CFAP299: variants seen among roughly 807,000 people sequenced by gnomAD.
The protein encoded by CFAP299 is cilia and flagella associated protein 299.
Under a neutral mutation model 27.0 loss-of-function variants are expected in CFAP299, and 21 were observed. That is an observed-to-expected ratio of 0.78 (90% CI 0.55 to 1.12). CFAP299 has a LOEUF of 1.12. Among genes scored for constraint, CFAP299 ranks in the 50% most tolerant of loss-of-function variants. The probability of loss-of-function intolerance (pLI) is 0.00; values close to 1 mark genes in which losing one functional copy is unlikely to be tolerated. For synonymous variants in CFAP299, 104 were observed against 98.1 expected, an observed-to-expected ratio of 1.06 and a Z score of -0.36; for missense variants, 310 against 276.6, an observed-to-expected ratio of 1.12 and a Z score of -0.86.
rs142050300 is a variant in CFAP299 at position 80,488,884 on chromosome 4, G to A, written c.243-94209G>A. ...GAGTTGGATGGCAAAAAAAACGTTT[G>A]TGTCTCCCAGCAGTATTCAGAGTGG... On this transcript the variant is annotated intron_variant, in intron 2 of 5. Transcript: ENST00000358105. Among the ~76,000 whole-genome samples the A allele has an allele frequency of 3.0e-3, 454 of 152,272 alleles. 3 individuals are homozygous for A. The highest frequency in any genetic ancestry group is 9.2e-3 in the African/African-American group (383 of 41,554).
chr4:80,886,595 T>C (rs1733984121), intron 4 of CFAP299, among the ~76,000 whole-genome samples: 1 of 152,152 alleles, frequency 6.6e-6, no homozygotes, highest in Admixed American at 6.5e-5. Context: ...TTGGAAAGCC[T>C]TCCCAAAGAG....
At chr4:80,792,611 G>C (rs1727636095) in intron 3 of CFAP299, among the ~76,000 whole-genome samples, 1 of 151,952 alleles carries the variant, frequency 6.6e-6, no homozygotes, top group Admixed American at 6.6e-5. Context: ...ATATTAATAA[G>C]GCAAATAGTC....
intron 3 of CFAP299, among the ~76,000 whole-genome samples, chr4:80,717,295 A>G (rs753817262): frequency 6.6e-6 from 1 of 152,122 alleles, no homozygotes; most frequent in Non-Finnish European, 1.5e-5. Flanking sequence ...AGCATGTGTA[A>G]GCAGAAAACT....
At chr4:80,933,031 A>T (rs1578248747) in intron 4 of CFAP299, among the ~76,000 whole-genome samples, 4 of 152,316 alleles carry the variant, frequency 2.6e-5, no homozygotes, top group Admixed American at 2.6e-4. Flanking sequence ...TAAGGTATAC[A>T]ACTGTGAAAT....
chr4:80,949,266 A>G lies in CFAP299; in HGVS notation c.606+4327A>G, dbSNP rs548500844. ...CAATCTTTGCCCTTTAAGTGCTCTT[A>G]GTGTTTTTAGGGAAATAAGTCAAAA... On this transcript the variant is annotated intron_variant, in intron 5 of 5. Transcript: ENST00000358105. Among the ~76,000 whole-genome samples, 3 of 152,306 alleles carry G rather than the reference A, an allele frequency of 2.0e-5. No homozygotes were observed. The South Asian group carries it at 6.2e-4, about 32-fold the overall frequency.
chr4:80,448,969 C>A (rs1358574875), intron 2 of CFAP299, among the ~76,000 whole-genome samples: 4 of 152,088 alleles, frequency 2.6e-5, no homozygotes, highest in African/African-American at 9.7e-5. Context: ...TGGGCAGAAC[C>A]TAATTAAAAG....
intron 2 of CFAP299, among the ~76,000 whole-genome samples, chr4:80,445,241 G>A (rs567647875): frequency 1.6e-4 from 25 of 152,250 alleles, no homozygotes; most frequent in Admixed American, 7.2e-4. Flanking sequence ...TTATTGCAGC[G>A]CTGTTTACAA....
At chr4:80,842,524 G>A (rs1363742966) in intron 3 of CFAP299, among the ~76,000 whole-genome samples, 1 of 152,122 alleles carries the variant, frequency 6.6e-6, no homozygotes, top group Non-Finnish European at 1.5e-5. Context: ...TTCTTAGTAT[G>A]TTTTATTGTG....
At chr4:80,938,661 C>T (rs148530641) in intron 4 of CFAP299, among the ~76,000 whole-genome samples, 2,079 of 152,272 alleles carry the variant, frequency 0.014, 19 homozygotes, top group South Asian at 0.03. Flanking sequence ...ATTCCTCTAG[C>T]GCTGCTAGGT....
At chr4:80,348,491 C>T (rs1722856025) in intron 1 of CFAP299, among the ~76,000 whole-genome samples, 1 of 152,186 alleles carries the variant, frequency 6.6e-6, no homozygotes, top group African/African-American at 2.4e-5. Context: ...ACAAACACTT[C>T]TCAATAGTAG....
At chr4:80,564,653 T>C (rs1475358283) in intron 2 of CFAP299, among the ~76,000 whole-genome samples, 1 of 151,992 alleles carries the variant, frequency 6.6e-6, no homozygotes, top group African/African-American at 2.4e-5. Flanking sequence ...TTGAACGTAG[T>C]ACTGGAAGTC....
At chr4:80,649,185 G>A (rs1740172163) in intron 3 of CFAP299, 1 of 152,232 alleles carries the variant, frequency 6.6e-6, no homozygotes, top group Non-Finnish European at 1.5e-5. Flanking sequence ...GTCAGGAGGA[G>A]AAGGGAGCTA....
chr4:80,353,793 ATATAC>A (rs1388407311), intron 1 of CFAP299, among the ~76,000 whole-genome samples: 2 of 152,246 alleles, frequency 1.3e-5, no homozygotes, highest in Admixed American at 1.3e-4. Flanking sequence ...ATCACCTCTA[ATATAC>A]TTAAGAATTG....
chr4:80,391,027 A>G (rs1210761659), intron 2 of CFAP299, among the ~76,000 whole-genome samples: 1 of 135,108 alleles, frequency 7.4e-6, no homozygotes, highest in Non-Finnish European at 1.6e-5. Context: ...ATATATGTAT[A>G]TATGTATACA....
intron 3 of CFAP299, among the ~76,000 whole-genome samples, chr4:80,623,501 C>G (rs949115606): frequency 4.6e-5 from 7 of 152,180 alleles, no homozygotes; most frequent in Non-Finnish European, 7.3e-5. Flanking sequence ...ATTTTGACAA[C>G]TATCCATACA....
Position 80,829,299 on chromosome 4 carries a change from G to A in CFAP299, c.334-40694G>A, listed in dbSNP as rs115588132. Among the ~76,000 whole-genome samples, 760 of 151,954 alleles carry A rather than the reference G, an allele frequency of 5.0e-3. 14 individuals carry two copies. The highest frequency in any genetic ancestry group is 0.018 in the African/African-American group (731 of 41,482). On this transcript the variant is annotated intron_variant, in intron 3 of 5. Transcript: ENST00000358105. ...TAGAAATTTCTCCAAAGAAGATACA[G>A]GAATGGATAATGAACACATGAAAAG...
At chr4:80,626,436 G>A (rs1738908476) in intron 3 of CFAP299, among the ~76,000 whole-genome samples, 1 of 151,672 alleles carries the variant, frequency 6.6e-6, no homozygotes, top group African/African-American at 2.4e-5. Context: ...AAAGGTAAAA[G>A]ATCTCAAATA....
chr4:80,896,523 G>A (rs925291952), intron 4 of CFAP299, among the ~76,000 whole-genome samples: 1 of 146,110 alleles, frequency 6.8e-6, no homozygotes, highest in African/African-American at 2.8e-5. Context: ...GGGCTTACTG[G>A]CCCTCTTTTC....
chr4:80,619,337 C>G (rs943329225), intron 3 of CFAP299, among the ~76,000 whole-genome samples: 1 of 152,150 alleles, frequency 6.6e-6, no homozygotes, highest in Non-Finnish European at 1.5e-5. Context: ...ACCTTCTCTT[C>G]AGCGTTGACA....
Sources: gnomAD v4.1 joint callset for allele counts (sites outside exome capture counted in the v4.1 genomes callset) on GRCh38, gnomAD v4.1.1 for gene constraint, MANE v1.5 for transcripts, NCBI Gene and HGNC (gene_info 2026-07-23, HGNC 2026-07-21) for gene names.